Variants in OR1J2 observed in about 807,000 individuals in gnomAD.
The protein encoded by OR1J2 is olfactory receptor 1J2.
For missense variants in OR1J2, 304 were observed against 246.1 expected (o/e 1.24, Z -1.57); for synonymous variants, 142 against 99.7 (o/e 1.42, Z -2.52).
upstream of OR1J2, chr9:122,510,748 C>A: frequency 9.9e-7 from 1 of 1,014,286 alleles, no homozygotes; most frequent in Non-Finnish European, 1.5e-6. Context: ...ATGATAATTT[C>A]AGAGCCTCTA....
chr9:122,542,923 C>A, the OR1J2 span, among the ~76,000 whole-genome samples: 1 of 152,158 alleles, frequency 6.6e-6, no homozygotes, highest in Non-Finnish European at 1.5e-5. Flanking sequence ...TGAGATTTAT[C>A]CACGTTGTGG....
the OR1J2 span, chr9:122,519,600 A>T: frequency 1.2e-6 from 2 of 1,613,862 alleles, no homozygotes; most frequent in Non-Finnish European, 8.5e-7. Flanking sequence ...CCTCTCCTGT[A>T]CCAATGCCCT....
At chr9:122,539,765 C>G in the OR1J2 span, among the ~76,000 whole-genome samples, 14,753 of 152,168 alleles carry the variant, frequency 0.097, 1,031 homozygotes, top group East Asian at 0.32. Context: ...TCCACATCCT[C>G]TCCAGCACCT....
the OR1J2 span, chr9:122,519,438 C>T: frequency 2.5e-6 from 4 of 1,614,026 alleles, no homozygotes; most frequent in Non-Finnish European, 3.4e-6. Context: ...GTGTGTAACT[C>T]AGATGTATTT....
At chr9:122,554,262 T>C in the OR1J2 span, 1 of 922,102 alleles carries the variant, frequency 1.1e-6, no homozygotes, top group Non-Finnish European at 1.6e-6. Context: ...AGGGGAAGGT[T>C]ATCCGTTGAC....
the OR1J2 span, among the ~76,000 whole-genome samples, chr9:122,482,058 C>T: frequency 6.6e-6 from 1 of 152,062 alleles, no homozygotes; most frequent in South Asian, 2.1e-4. Flanking sequence ...AAGAAACAAC[C>T]AACTGAGTGA....
the OR1J2 span, among the ~76,000 whole-genome samples, chr9:122,491,862 T>C: frequency 0.024 from 3,700 of 151,874 alleles, 134 homozygotes; most frequent in African/African-American, 0.083. Flanking sequence ...CCTGAAGAGG[T>C]AAGAGTGAAG....
At chr9:122,553,161 T>C in the OR1J2 span, 1 of 1,580,302 alleles carries the variant, frequency 6.3e-7, no homozygotes, top group South Asian at 1.2e-5. Context: ...AATAAATAAA[T>C]ACTGACACAT....
chr9:122,568,145 A>C, the OR1J2 span: 1 of 1,614,124 alleles, frequency 6.2e-7, no homozygotes, highest in Non-Finnish European at 8.5e-7. Context: ...GGCAGCTGTC[A>C]CTGTTGCCCA....
the OR1J2 span, chr9:122,519,914 G>T: frequency 6.2e-7 from 1 of 1,614,124 alleles, no homozygotes; most frequent in Non-Finnish European, 8.5e-7. Flanking sequence ...TTATTGGACT[G>T]TATTTTCTCC....
the OR1J2 span, among the ~76,000 whole-genome samples, chr9:122,574,944 T>TATTTATGTATTC: frequency 6.6e-6 from 1 of 152,174 alleles, no homozygotes; most frequent in African/African-American, 2.4e-5. Flanking sequence ...TTTCTGCATC[T>TATTTATGTATTC]ATTTATGTAT....
the OR1J2 span, chr9:122,554,204 C>T: frequency 6.8e-7 from 1 of 1,462,936 alleles, no homozygotes; most frequent in Non-Finnish European, 9.3e-7. Context: ...ATCAACCCCT[C>T]CCTGTCTTCC....
the OR1J2 span, among the ~76,000 whole-genome samples, chr9:122,558,854 T>C: frequency 6.6e-6 from 1 of 152,080 alleles, no homozygotes; most frequent in Admixed American, 6.5e-5. Flanking sequence ...TCTCTTCTTG[T>C]CTTTGTTTCA....
chr9:122,556,537 G>C, the OR1J2 span, among the ~76,000 whole-genome samples: 1 of 152,136 alleles, frequency 6.6e-6, no homozygotes, highest in Non-Finnish European at 1.5e-5. Context: ...GACAAGGGGA[G>C]GGAGAGCATT....
the OR1J2 span, among the ~76,000 whole-genome samples, chr9:122,530,018 T>C: frequency 6.6e-6 from 1 of 152,274 alleles, no homozygotes; most frequent in South Asian, 2.1e-4. Flanking sequence ...TCAAGAATAA[T>C]GAATACAAAT....
chr9:122,509,559 C>T (rs1025449120), upstream of OR1J2, among the ~76,000 whole-genome samples: 2 of 152,154 alleles, frequency 1.3e-5, no homozygotes, highest in African/African-American at 2.4e-5. Context: ...ACTTTCTCAA[C>T]ATGCCAGGGA....
At chr9:122,527,236 C>T in the OR1J2 span, 1 of 1,613,856 alleles carries the variant, frequency 6.2e-7, no homozygotes, top group Non-Finnish European at 8.5e-7. Context: ...TGCTGTTGCT[C>T]TGGAGGCGCT....
At chr9:122,492,654 G>A in the OR1J2 span, among the ~76,000 whole-genome samples, 3 of 151,906 alleles carry the variant, frequency 2.0e-5, no homozygotes, top group Non-Finnish European at 1.5e-5. Flanking sequence ...CAGCCTCACC[G>A]ACATTTATTG....
the OR1J2 span, among the ~76,000 whole-genome samples, chr9:122,451,492 C>T: frequency 6.6e-6 from 1 of 152,048 alleles, no homozygotes; most frequent in African/African-American, 2.4e-5. Flanking sequence ...GCCTCACCTG[C>T]ATTTTTACAG....
Sources: gnomAD v4.1 joint callset for allele counts (sites outside exome capture counted in the v4.1 genomes callset) on GRCh38, gnomAD v4.1.1 for gene constraint, MANE v1.5 for transcripts, NCBI Gene and HGNC (gene_info 2026-07-23, HGNC 2026-07-21) for gene names.